MDGA2: variants seen among roughly 807,000 people sequenced by gnomAD.
MDGA2 encodes MAM domain containing glycosylphosphatidylinositol anchor 2, also known as MAM domain-containing glycosylphosphatidylinositol anchor protein 2.
Under a neutral mutation model 117.8 loss-of-function variants are expected in MDGA2, and 40 were observed. The ratio of observed to expected loss-of-function variants is 0.34; its 90% CI spans 0.26 to 0.44. The LOEUF is 0.44. MDGA2 is among the 20% of genes least tolerant of loss of function. MDGA2 has a pLI of 1.00. For synonymous variants in MDGA2, 452 were observed against 439.0 expected, an observed-to-expected ratio of 1.03 and a Z score of -0.37; for missense variants, 1,123 against 1,250.6, an observed-to-expected ratio of 0.90 and a Z score of 1.54.
chr14:47,149,308 CAAAA>C (rs1374740188), intron 3 of MDGA2, among the ~76,000 whole-genome samples: 2 of 151,996 alleles, frequency 1.3e-5, no homozygotes, highest in Non-Finnish European at 2.9e-5. Flanking sequence ...AAACAAAAAA[CAAAA>C]AATAAGTGTG....
chr14:47,670,664 T>G (rs968680694), intron 1 of MDGA2, among the ~76,000 whole-genome samples: 1 of 152,178 alleles, frequency 6.6e-6, no homozygotes, highest in African/African-American at 2.4e-5. Context: ...GCTACATCGA[T>G]TAGTTATCCT....
At chr14:46,869,460 A>G (rs1390026595) in intron 14 of MDGA2, among the ~76,000 whole-genome samples, 2 of 151,086 alleles carry the variant, frequency 1.3e-5, no homozygotes, top group Non-Finnish European at 2.9e-5. Flanking sequence ...TATTATTATC[A>G]TGGCCAGATG....
chr14:47,280,624 C>A (rs1344158481), intron 2 of MDGA2, among the ~76,000 whole-genome samples: 1 of 151,964 alleles, frequency 6.6e-6, no homozygotes, highest in Non-Finnish European at 1.5e-5. Flanking sequence ...GCTCTATCAC[C>A]TGTTCATCTG....
At chr14:47,386,378 GA>G (rs758512204) in intron 1 of MDGA2, among the ~76,000 whole-genome samples, 8 of 152,034 alleles carry the variant, frequency 5.3e-5, no homozygotes, top group Non-Finnish European at 1.2e-4. Flanking sequence ...TTTTATCAGA[GA>G]AAAAATTAAA....
intron 3 of MDGA2, among the ~76,000 whole-genome samples, chr14:47,202,348 G>A (rs561670878): frequency 1.6e-4 from 25 of 152,326 alleles, no homozygotes; most frequent in African/African-American, 5.8e-4. Flanking sequence ...GGAGATGCAT[G>A]CTTGCAATTA....
chr14:47,674,989 T>TGCGGCG lies in MDGA2; in HGVS notation c.-199_-194dup, dbSNP rs914380334. ...GGAAGCGGGCTCGAGTCTCCGCAGCTGCGGCGGCGGCGGCGGCGCGCTGGG... is the reference window on the plus strand; with the variant it reads ...GGAAGCGGGCTCGAGTCTCCGCAGCTGCGGCGGCGGCGGCGGCGGCGGCGCGCTGGG... On this transcript the variant is annotated 5_prime_UTR_variant, in exon 1 of 17. Transcript: ENST00000399232. 5 of 343,232 alleles carry TGCGGCG rather than the reference T, an allele frequency of 1.5e-5. No individual in the cohort carries two copies. Among genetic ancestry groups the TGCGGCG allele is most frequent in the Admixed American group, 4.9e-5 (1 of 20,564 alleles). The allele number at this position is 343,232 out of a possible 1,614,324, so 21.3% of individuals were successfully genotyped here. A position where few individuals can be genotyped will look rare whatever the true frequency, so the allele number is the denominator to read the frequency against.
intron 8 of MDGA2, among the ~76,000 whole-genome samples, chr14:47,012,406 T>G (rs1327903223): frequency 2.6e-5 from 4 of 152,112 alleles, no homozygotes; most frequent in Non-Finnish European, 4.4e-5. Context: ...CAAATACCAA[T>G]TTAGTGTCAA....
rs757817184 is a variant in MDGA2 at position 46,841,946 on chromosome 14, TAAGA to T, written c.3059_3062del (p.Ile1020LysfsTer27). 5 of 1,611,030 alleles carry T rather than the reference TAAGA, an allele frequency of 3.1e-6. No homozygotes were observed. Among genetic ancestry groups the T allele is most frequent in the East Asian group, 4.5e-5 (2 of 44,772 alleles). ...CAGGATAAGGTCACCTTCGAGGACT[TAAGA>T]TAGAGATGAGGACGATAATGGGAAA... is the stretch of plus-strand genomic sequence containing the variant. On this transcript the variant is annotated frameshift_variant, in exon 17 of 17. Transcript: ENST00000399232. LOFTEE classifies it high-confidence loss of function.
intron 1 of MDGA2, among the ~76,000 whole-genome samples, chr14:47,307,201 C>T (rs1376788923): frequency 6.6e-6 from 1 of 152,018 alleles, no homozygotes; most frequent in South Asian, 2.1e-4. Context: ...TCTTTCCTAT[C>T]TGAGTTTCTG....
At chr14:47,073,866 T>C (rs555570143) in intron 6 of MDGA2, among the ~76,000 whole-genome samples, 2 of 152,270 alleles carry the variant, frequency 1.3e-5, no homozygotes, top group South Asian at 4.1e-4. Flanking sequence ...CTTCAAAATG[T>C]GTTTCTCTAT....
chr14:47,551,573 C>G (rs1895582240), intron 1 of MDGA2, among the ~76,000 whole-genome samples: 1 of 152,144 alleles, frequency 6.6e-6, no homozygotes, highest in Non-Finnish European at 1.5e-5. Context: ...AATTTGATCT[C>G]TTATTAATCA....
intron 8 of MDGA2, among the ~76,000 whole-genome samples, chr14:47,033,936 T>G (rs1388543807): frequency 6.6e-6 from 1 of 152,190 alleles, no homozygotes; most frequent in Non-Finnish European, 1.5e-5. Flanking sequence ...CAACTTTAAG[T>G]CTAATATAAA....
chr14:47,617,657 C>A (rs1488287169), intron 1 of MDGA2, among the ~76,000 whole-genome samples: 2 of 152,282 alleles, frequency 1.3e-5, no homozygotes, highest in East Asian at 1.9e-4. Flanking sequence ...AACACAATTT[C>A]TTTATGGATG....
At chr14:46,912,087 A>G (rs905471053) in intron 10 of MDGA2, among the ~76,000 whole-genome samples, 20 of 152,170 alleles carry the variant, frequency 1.3e-4, no homozygotes, top group African/African-American at 4.3e-4. Context: ...ACGAGGGAGA[A>G]TATGCAATCT....
intron 1 of MDGA2, among the ~76,000 whole-genome samples, chr14:47,480,604 C>G (rs951105012): frequency 6.6e-6 from 1 of 151,672 alleles, no homozygotes; most frequent in Non-Finnish European, 1.5e-5. Context: ...ATACTATTTT[C>G]TTGCATTTTT....
At chr14:47,301,815 G>C (rs1889295107) in intron 1 of MDGA2, among the ~76,000 whole-genome samples, 1 of 152,106 alleles carries the variant, frequency 6.6e-6, no homozygotes, top group Non-Finnish European at 1.5e-5. Context: ...AAGACCACAA[G>C]ATAAAATTTG....
At chr14:47,501,580 C>A (rs1894401160) in intron 1 of MDGA2, among the ~76,000 whole-genome samples, 2 of 152,090 alleles carry the variant, frequency 1.3e-5, no homozygotes, top group Admixed American at 1.3e-4. Flanking sequence ...AAAGTCATTA[C>A]AGAGGTAAAG....
intron 7 of MDGA2, among the ~76,000 whole-genome samples, chr14:47,035,699 C>T (rs1483776812): frequency 6.6e-6 from 1 of 152,048 alleles, no homozygotes; most frequent in African/African-American, 2.4e-5. Context: ...AAAAGAGAAA[C>T]CTCTGATCTA....
chr14:47,071,209 T>TGTAA (rs1336859636), intron 6 of MDGA2, among the ~76,000 whole-genome samples: 14 of 152,202 alleles, frequency 9.2e-5, no homozygotes, highest in African/African-American at 3.4e-4. Context: ...TGGAATGTCA[T>TGTAA]GTAAGTACGA....
Sources: gnomAD v4.1 joint callset for allele counts (sites outside exome capture counted in the v4.1 genomes callset) on GRCh38, gnomAD v4.1.1 for gene constraint, MANE v1.5 for transcripts, NCBI Gene and HGNC (gene_info 2026-07-23, HGNC 2026-07-21) for gene names.